Variants in DLG2 observed in about 807,000 individuals in gnomAD.
DLG2 encodes the protein discs large MAGUK scaffold protein 2, also known as disks large homolog 2.
A neutral mutation model predicts 132.5 loss-of-function variants in DLG2; 45 were observed. The ratio of observed to expected loss-of-function variants is 0.34; its 90% CI spans 0.27 to 0.44. The LOEUF (loss-of-function observed/expected upper bound fraction) is 0.44, where lower values mean the gene tolerates loss of function less well. DLG2 is among the 20% of genes least tolerant of loss of function. DLG2 has a pLI of 1.00. For synonymous variants in DLG2, 424 were observed against 419.6 expected (o/e 1.01, Z -0.13); for missense variants, 1,045 against 1,196.9 (o/e 0.87, Z 1.87).
At chr11:85,498,495 C>A (rs1220796176) in intron 3 of DLG2, among the ~76,000 whole-genome samples, 1 of 151,992 alleles carries the variant, frequency 6.6e-6, no homozygotes, top group Non-Finnish European at 1.5e-5. Context: ...ACTTTAACAC[C>A]CCATTGTCAA....
At chr11:83,985,442 T>A (rs555069236) in intron 11 of DLG2, among the ~76,000 whole-genome samples, 1 of 152,100 alleles carries the variant, frequency 6.6e-6, no homozygotes, top group Non-Finnish European at 1.5e-5. Flanking sequence ...GCTGCAAAGA[T>A]CAACCCATCA....
At chr11:84,891,550 G>A (rs1461368548) in intron 6 of DLG2, among the ~76,000 whole-genome samples, 3 of 151,928 alleles carry the variant, frequency 2.0e-5, no homozygotes, top group Non-Finnish European at 4.4e-5. Flanking sequence ...GTTTCATCAG[G>A]ATAACAGTAA....
intron 3 of DLG2, among the ~76,000 whole-genome samples, chr11:85,293,955 T>C (rs1049440706): frequency 6.6e-6 from 1 of 152,058 alleles, no homozygotes; most frequent in Non-Finnish European, 1.5e-5. Flanking sequence ...ATAAGATGCA[T>C]GCAAAGCTGG....
At chr11:83,506,059 G>A (rs954948758) in intron 21 of DLG2, among the ~76,000 whole-genome samples, 1 of 152,166 alleles carries the variant, frequency 6.6e-6, no homozygotes, top group Admixed American at 6.5e-5. Context: ...GAATGCTGCT[G>A]TGCACGGCCC....
intron 16 of DLG2, among the ~76,000 whole-genome samples, chr11:83,842,834 G>A (rs72958246): frequency 0.14 from 10,291 of 72,406 alleles, 584 homozygotes; most frequent in Middle Eastern, 0.19. Flanking sequence ...AAAAAAAAAA[G>A]AAGGAAAATT....
chr11:84,048,558 C>G (rs1449134585), intron 11 of DLG2, among the ~76,000 whole-genome samples: 1 of 151,614 alleles, frequency 6.6e-6, no homozygotes, highest in Non-Finnish European at 1.5e-5. Flanking sequence ...TAAACTGTTT[C>G]CTGTATTCAG....
intron 8 of DLG2, among the ~76,000 whole-genome samples, chr11:84,244,307 C>T (rs1043369680): frequency 4.6e-5 from 7 of 152,088 alleles, no homozygotes; most frequent in Non-Finnish European, 8.8e-5. Flanking sequence ...TCTCAGCCTC[C>T]CAAGCAGCTG....
At chr11:84,850,959 G>A (rs1192027133) in intron 6 of DLG2, among the ~76,000 whole-genome samples, 1 of 152,026 alleles carries the variant, frequency 6.6e-6, no homozygotes, top group Admixed American at 6.6e-5. Context: ...AGATAACAGT[G>A]CTCTTCAAAC....
intron 3 of DLG2, among the ~76,000 whole-genome samples, chr11:85,573,843 G>A (rs915128305): frequency 1.3e-5 from 2 of 152,160 alleles, no homozygotes; most frequent in Admixed American, 6.6e-5. Context: ...CTAAATTCAT[G>A]TGTGTTAATA....
At chr11:83,522,637 G>C (rs1331578688) in intron 21 of DLG2, among the ~76,000 whole-genome samples, 1 of 151,984 alleles carries the variant, frequency 6.6e-6, no homozygotes, top group Non-Finnish European at 1.5e-5. Flanking sequence ...TGAGTGCCAT[G>C]AACTATTTTA....
intron 18 of DLG2, among the ~76,000 whole-genome samples, chr11:83,742,182 C>T (rs1019932100): frequency 2.0e-5 from 3 of 149,462 alleles, no homozygotes; most frequent in Non-Finnish European, 3.0e-5. Context: ...TGGAAATTTG[C>T]TAAGAGAGTA....
chr11:85,292,683 A>C (rs1595995281), intron 3 of DLG2, among the ~76,000 whole-genome samples: 1 of 52,400 alleles, frequency 1.9e-5, no homozygotes, highest in Non-Finnish European at 3.6e-5. Context: ...GGAGGGAGGG[A>C]GGGAGGGAGG....
intron 2 of DLG2, among the ~76,000 whole-genome samples, chr11:85,600,244 C>T (rs1386797276): frequency 6.6e-6 from 1 of 152,196 alleles, no homozygotes; most frequent in African/African-American, 2.4e-5. Context: ...TCCTCTCTTG[C>T]TTACTCAAGG....
At chr11:83,496,325 T>G (rs931005170) in intron 21 of DLG2, among the ~76,000 whole-genome samples, 7 of 152,022 alleles carry the variant, frequency 4.6e-5, no homozygotes, top group African/African-American at 1.7e-4. Context: ...TAAGTGTTAA[T>G]AAGACATGGA....
intron 6 of DLG2, among the ~76,000 whole-genome samples, chr11:84,810,490 C>T (rs933607486): frequency 1.3e-5 from 2 of 152,112 alleles, no homozygotes; most frequent in East Asian, 1.9e-4. Flanking sequence ...ACAGCAATTG[C>T]TATTTAGGAC....
At chr11:83,562,966 CTTTTTTTTT>C (rs527949325) in intron 19 of DLG2, among the ~76,000 whole-genome samples, 1 of 81,368 alleles carries the variant, frequency 1.2e-5, no homozygotes, top group Non-Finnish European at 2.2e-5. Context: ...TTCCCTAATT[CTTTTTTTTT>C]TTTTTTTTTT....
intron 19 of DLG2, among the ~76,000 whole-genome samples, chr11:83,585,883 G>A (rs1317337957): frequency 1.3e-5 from 2 of 152,182 alleles, no homozygotes; most frequent in Non-Finnish European, 2.9e-5. Context: ...TATGTGCCAT[G>A]AGGATGGGGC....
chr11:83,650,866 T>C (rs2070052470), intron 18 of DLG2, among the ~76,000 whole-genome samples: 1 of 152,210 alleles, frequency 6.6e-6, no homozygotes, highest in Admixed American at 6.5e-5. Flanking sequence ...CAGCTTCTAT[T>C]CAAACAGGGA....
intron 18 of DLG2, among the ~76,000 whole-genome samples, chr11:83,751,445 T>C (rs1170368229): frequency 2.0e-5 from 3 of 152,224 alleles, no homozygotes; most frequent in African/African-American, 4.8e-5. Flanking sequence ...TAATCTAACT[T>C]ACATTTGTGT....
Sources: allele counts gnomAD v4.1 joint callset (sites outside exome capture counted in the v4.1 genomes callset), GRCh38; gene constraint gnomAD v4.1.1; transcripts MANE v1.5; gene names NCBI Gene and HGNC (gene_info 2026-07-23, HGNC 2026-07-21).